Variants in SNRPE observed in about 807,000 individuals in gnomAD.
The protein encoded by SNRPE is small nuclear ribonucleoprotein polypeptide E, also known as small nuclear ribonucleoprotein E.
For synonymous variants in SNRPE, 35 were observed against 36.7 expected (o/e 0.95, Z 0.17); for missense variants, 53 against 111.6 (o/e 0.48, Z 2.36).
rs1483360797 is a variant in SNRPE at position 203,869,880 on chromosome 1, G to A, written c.227G>A (p.Arg76Gln). The change falls in exon 5 of 5, where the codon CGG becomes CAG. Residue 76 changes from arginine (R) to glutamine (Q), a missense_variant. Physicochemically the swap from Arg to Gln is conservative, Grantham distance 43. Transcript: ENST00000414487. Reference sequence around the variant, plus strand: ...TTTTGTTGTTTTTGTGTTGCAGGTCGGATCATGCTAAAAGGAGATAATATT... The same window carrying A: ...TTTTGTTGTTTTTGTGTTGCAGGTCAGATCATGCTAAAAGGAGATAATATT... ...SKTKSRKQLG[R>Q]IMLKGDNITL... The A allele has an allele frequency of 1.2e-6, 2 of 1,602,848 alleles. No homozygotes were observed. The highest frequency in any genetic ancestry group is 8.5e-7 in the Non-Finnish European group (1 of 1,173,950).
intron 4 of SNRPE, among the ~76,000 whole-genome samples, chr1:203,865,422 C>CTTA (rs777042883): frequency 6.6e-6 from 1 of 152,172 alleles, no homozygotes; most frequent in Admixed American, 6.5e-5. Context: ...CTGCTCCCTC[C>CTTA]TTAAAGCGCT....
chr1:203,864,246 G>A (rs765793395), intron 3 of SNRPE, among the ~76,000 whole-genome samples: 3 of 151,706 alleles, frequency 2.0e-5, no homozygotes, highest in African/African-American at 4.8e-5. Flanking sequence ...GAGCCACAAC[G>A]CCTGGCTGAA....
rs1572401478 is a variant in SNRPE, at chr1:203,861,654, T to C, written c.-6T>C. 2.5e-6 allele frequency: 4 copies of C among 1,611,942 alleles called. No homozygotes were observed. The East Asian group carries it at 8.9e-5, about 36-fold the overall frequency. On this transcript the variant is annotated 5_prime_UTR_variant, in exon 1 of 5. Coordinates refer to ENST00000414487, the MANE Select transcript of SNRPE (RefSeq NM_003094.4). ...CGTGCGGGTGTGCTCTTTGTGAAAT[T>C]CCACCATGGCGTACCGTGGCCAGGG...
chr1:203,864,898 AAAAC>A, intron 3 of SNRPE, 139 bp from the exon 4 acceptor site: 5 of 448,638 alleles, frequency 1.1e-5, no homozygotes, highest in Non-Finnish European at 9.8e-6. Flanking sequence ...AAAAAAAAAA[AAAAC>A]TTTGGGTGGA....
intron 2 of SNRPE, 77 bp downstream of exon 2, chr1:203,862,299 G>A (rs1316777044): frequency 3.0e-6 from 3 of 1,000,616 alleles, no homozygotes; most frequent in Non-Finnish European, 4.8e-6. Flanking sequence ...TAACCTGAGC[G>A]ATCGCTGTGT....
At chr1:203,863,320 TTTTTC>T (rs1276473272) in intron 2 of SNRPE, among the ~76,000 whole-genome samples, 1 of 151,640 alleles carries the variant, frequency 6.6e-6, no homozygotes, top group Non-Finnish European at 1.5e-5. Context: ...ACCTGGCCTG[TTTTTC>T]TTTTCTTTTT....
At chr1:203,862,124 G>A in intron 1 of SNRPE, 72 bp from the exon 2 acceptor site, 3 of 1,180,668 alleles carry the variant, frequency 2.5e-6, no homozygotes, top group Non-Finnish European at 3.8e-6. Flanking sequence ...GACGGGAATA[G>A]CGTCGTCCGG....
intron 2 of SNRPE, among the ~76,000 whole-genome samples, chr1:203,862,741 A>C (rs1371069847): frequency 6.6e-6 from 1 of 152,212 alleles, no homozygotes; most frequent in Non-Finnish European, 1.5e-5. Flanking sequence ...TAAATTTTAT[A>C]GTGTGATAAC....
rs1362557999 is a variant in SNRPE at position 203,871,014 on chromosome 1, T to C, written c.*1082T>C. Among the ~76,000 whole-genome samples, 1 of 152,232 alleles carries C rather than the reference T, an allele frequency of 6.6e-6. No individual in the cohort carries two copies. The highest frequency in any genetic ancestry group is 1.5e-5 in the Non-Finnish European group (1 of 68,046). The stretch of plus-strand genomic sequence containing the variant: ...CATGAAACTGAATAAAAGAAATCCT[T>C]TCCGAGATAGAGGAGATTTGTAGGT... On this transcript the variant is annotated 3_prime_UTR_variant, in exon 5 of 5. Transcript: ENST00000414487.
At chr1:203,864,606 G>A (rs1690047604) in intron 3 of SNRPE, among the ~76,000 whole-genome samples, 1 of 152,146 alleles carries the variant, frequency 6.6e-6, no homozygotes, top group Non-Finnish European at 1.5e-5. Flanking sequence ...GCTGGGCAAG[G>A]TGGCTCACGC....
At chr1:203,863,252 A>G (rs537382397) in intron 2 of SNRPE, among the ~76,000 whole-genome samples, 27 of 151,964 alleles carry the variant, frequency 1.8e-4, no homozygotes, top group Admixed American at 5.2e-4. Context: ...ACACCTGGCC[A>G]CAAAGCGAAT....
At chr1:203,862,295 G>T in intron 2 of SNRPE, 73 bp downstream of exon 2, 1 of 1,036,962 alleles carries the variant, frequency 9.6e-7, no homozygotes, top group South Asian at 1.3e-5. Flanking sequence ...GTGTTAACCT[G>T]AGCGATCGCT....
chr1:203,864,999 ATG>A, intron 3 of SNRPE, 40 bp from the exon 4 acceptor site: 4 of 1,581,558 alleles, frequency 2.5e-6, no homozygotes, highest in Non-Finnish European at 3.4e-6. Flanking sequence ...AATGGTTTGA[ATG>A]TGATTTTCTT....
intron 3 of SNRPE, 67 bp downstream of exon 3, chr1:203,863,792 T>C: frequency 6.5e-6 from 7 of 1,081,892 alleles, no homozygotes; most frequent in Non-Finnish European, 9.9e-6. Flanking sequence ...AGAAAGTGTC[T>C]AGCCAGAACA....
intron 4 of SNRPE, among the ~76,000 whole-genome samples, chr1:203,868,707 T>A (rs926448150): frequency 1.3e-5 from 2 of 152,158 alleles, no homozygotes; most frequent in Non-Finnish European, 2.9e-5. Flanking sequence ...TCTCACTCTG[T>A]CTCCCAGGCT....
At chr1:203,865,898 A>G (rs1472318913) in intron 4 of SNRPE, among the ~76,000 whole-genome samples, 2 of 152,222 alleles carry the variant, frequency 1.3e-5, no homozygotes, top group Non-Finnish European at 2.9e-5. Flanking sequence ...GGCAAGGCAT[A>G]TAGGAAGGGA....
chr1:203,862,410 A>G (rs1689996183), intron 2 of SNRPE, among the ~76,000 whole-genome samples, 188 bp downstream of exon 2: 1 of 152,194 alleles, frequency 6.6e-6, no homozygotes, highest in South Asian at 2.1e-4. Context: ...TATCCATGCC[A>G]CTTCCCAACA....
rs71566135 is a variant in SNRPE at position 203,867,107 on chromosome 1, G to GAAA, written c.223+2009_223+2011dup. On this transcript the variant is annotated intron_variant, in intron 4 of 4. Coordinates refer to ENST00000414487, the MANE Select transcript of SNRPE (RefSeq NM_003094.4). ...AACATGGTGAAACCCTGTCTTTCCT[G>GAAA]AAAAAAAAAAAAAAAAAAAAAAATT... Among the ~76,000 whole-genome samples, 11 of 52,898 alleles carry GAAA rather than the reference G, an allele frequency of 2.1e-4. 1 individual carries two copies. Among genetic ancestry groups the GAAA allele is most frequent in the South Asian group, 1.2e-3 (2 of 1,608 alleles). 34.7% of individuals were successfully genotyped at this position (52,898 alleles called of 152,430 possible).
intron 1 of SNRPE, 148 bp downstream of exon 1, chr1:203,861,861 A>G (rs1689984273): frequency 1.4e-6 from 1 of 707,046 alleles, no homozygotes; most frequent in African/African-American, 1.7e-5. Context: ...AAGCGCGGGT[A>G]GTTGAACCGT....
Sources: gnomAD v4.1 joint callset for allele counts (sites outside exome capture counted in the v4.1 genomes callset) on GRCh38, gnomAD v4.1.1 for gene constraint, MANE v1.5 for transcripts, NCBI Gene and HGNC (gene_info 2026-07-23, HGNC 2026-07-21) for gene names.